TRIM60: variants seen among roughly 807,000 people sequenced by gnomAD.
TRIM60 encodes the protein tripartite motif containing 60.
For missense variants in TRIM60, 524 were observed against 540.8 expected (o/e 0.97, Z 0.31); for synonymous variants, 189 against 195.2 (o/e 0.97, Z 0.27).
intron 1 of TRIM60, among the ~76,000 whole-genome samples, chr4:165,032,822 A>T (rs1733535748): frequency 6.6e-6 from 1 of 152,112 alleles, no homozygotes; most frequent in African/African-American, 2.4e-5. Context: ...TAGAGGTTGA[A>T]TCTTGAGATC....
At chr4:165,039,940 G>A (rs1421460091) in intron 2 of TRIM60, 129 bp from the exon 3 acceptor site, 4 of 660,028 alleles carry the variant, frequency 6.1e-6, no homozygotes, top group Non-Finnish European at 1.0e-5. Context: ...CAGCATGCTA[G>A]GCTAGTGAAA....
chr4:165,036,187 C>T (rs1733618516), intron 1 of TRIM60, among the ~76,000 whole-genome samples: 1 of 152,208 alleles, frequency 6.6e-6, no homozygotes, highest in Non-Finnish European at 1.5e-5. Flanking sequence ...CCGCACAATA[C>T]CACTTGGTGA....
Position 165,039,971 on chromosome 4 carries a change from A to G in TRIM60, c.-4-98A>G, listed in dbSNP as rs565601000. The G allele has an allele frequency of 7.0e-5, 64 of 908,028 alleles. 1 individual carries two copies. The South Asian group carries it at 9.8e-4, about 14-fold the overall frequency. The allele number at this position is 908,028 out of a possible 1,614,324, so 56.2% of individuals were successfully genotyped here. A position where few individuals can be genotyped will look rare whatever the true frequency, so the allele number is the denominator to read the frequency against. ...TGAAACCTAAACCTGATCAATCTAC[A>G]AGGTCTGGGAGGGGTATCCACTTCT... is the stretch of plus-strand genomic sequence containing the variant. On this transcript the variant is annotated intron_variant, in intron 2 of 2. Coordinates refer to ENST00000512596, the MANE Select transcript of TRIM60 (RefSeq NM_152620.3).
chr4:165,039,832 C>A (rs1308400253), intron 2 of TRIM60, among the ~76,000 whole-genome samples: 1 of 150,922 alleles, frequency 6.6e-6, no homozygotes, highest in Non-Finnish European at 1.5e-5. Context: ...AAGATTCAGA[C>A]GGGCTCATGT....
At chr4:165,035,558 T>C (rs1020820302) in intron 1 of TRIM60, among the ~76,000 whole-genome samples, 3 of 152,204 alleles carry the variant, frequency 2.0e-5, no homozygotes, top group East Asian at 1.9e-4. Flanking sequence ...AAGATGCTCA[T>C]TGAAGATTTG....
chr4:165,041,561 C>CT lies in TRIM60; in HGVS notation c.*76dup, dbSNP rs572987977. On this transcript the variant is annotated 3_prime_UTR_variant, in exon 3 of 3. Coordinates refer to ENST00000512596, the MANE Select transcript of TRIM60 (RefSeq NM_152620.3). ...GTAAATTTAATCTCATTTCTGGACT[C>CT]TTTAAGTTTTACCACTGAAAACCAG... The CT allele has an allele frequency of 3.5e-5, 40 of 1,146,614 alleles. No homozygotes were observed. The highest frequency in any genetic ancestry group is 4.6e-5 in the Non-Finnish European group (39 of 843,554). 71.0% of individuals were successfully genotyped at this position (1,146,614 alleles called of 1,614,324 possible).
In TRIM60 at chr4:165,040,746, A is replaced by G. The variant is rs138277170; in HGVS notation, c.674A>G (p.Asp225Gly). Reference sequence around the variant, plus strand: ...AATGAAAACCTTGTAGAACTTTCAGATTATGTTTCCACATTAAAACATCTA... The same window carrying G: ...AATGAAAACCTTGTAGAACTTTCAGGTTATGTTTCCACATTAAAACATCTA... The part of the protein sequence containing the change: ...KLNENLVELS[D>G]YVSTLKHLLR... Residue 225 changes from aspartate (D) to glycine (G), a missense_variant, in exon 3 of 3, where the codon GAT (aspartate) becomes GGT (glycine). Coordinates refer to ENST00000512596, the MANE Select transcript of TRIM60 (RefSeq NM_152620.3). The G allele has an allele frequency of 1.3e-4, 212 of 1,614,014 alleles. 1 individual carries two copies. Among genetic ancestry groups the G allele is most frequent in the Non-Finnish European group, 1.8e-4 (208 of 1,180,016 alleles).
chr4:165,037,258 A>G (rs1733641853), intron 1 of TRIM60, among the ~76,000 whole-genome samples: 1 of 152,208 alleles, frequency 6.6e-6, no homozygotes, highest in Non-Finnish European at 1.5e-5. Flanking sequence ...ATTTAGTATC[A>G]CACCAGTAGT....
chr4:165,041,597 T>A lies in TRIM60; in HGVS notation c.*109T>A, dbSNP rs1291586742. The A allele has an allele frequency of 6.6e-6, 5 of 762,132 alleles. No individual in the cohort carries two copies. In the East Asian group the frequency reaches 1.4e-4, roughly 22 times the overall value. The allele number at this position is 762,132 out of a possible 1,614,324, so 47.2% of individuals were successfully genotyped here. On this transcript the variant is annotated 3_prime_UTR_variant, in exon 3 of 3. Transcript: ENST00000512596. ...ACCACTGAAAACCAGAGTCGATTTTTCTCCTAAATTTTTGGCAACTATAAG... is the reference window on the plus strand; with the variant it reads ...ACCACTGAAAACCAGAGTCGATTTTACTCCTAAATTTTTGGCAACTATAAG...
intron 1 of TRIM60, among the ~76,000 whole-genome samples, chr4:165,035,200 A>C (rs1451543776): frequency 1.3e-5 from 2 of 152,126 alleles, no homozygotes; most frequent in Non-Finnish European, 2.9e-5. Flanking sequence ...CAGTGCTGGC[A>C]CTATAGGGAC....
intron 1 of TRIM60, among the ~76,000 whole-genome samples, chr4:165,034,765 C>G (rs765337317): frequency 6.6e-6 from 1 of 152,088 alleles, no homozygotes; most frequent in Non-Finnish European, 1.5e-5. Flanking sequence ...ACCTTACTGT[C>G]CCTTCAAAAT....
At chr4:165,039,286 T>C (rs1733692624) in intron 2 of TRIM60, 34 bp downstream of exon 2, 1 of 152,168 alleles carries the variant, frequency 6.6e-6, no homozygotes, top group Admixed American at 6.5e-5. Context: ...TAAAATATAA[T>C]CCTAGAGTAA....
chr4:165,034,629 T>C (rs1733580572), intron 1 of TRIM60, among the ~76,000 whole-genome samples: 1 of 152,222 alleles, frequency 6.6e-6, no homozygotes, highest in South Asian at 2.1e-4. Flanking sequence ...GATTAGGAGC[T>C]TTTGCAATGA....
chr4:165,041,518 T>C lies in TRIM60; in HGVS notation c.*30T>C, dbSNP rs762146450. The C allele has an allele frequency of 2.8e-6, 4 of 1,431,428 alleles. No homozygotes were observed. The East Asian group carries it at 6.9e-5, about 25-fold the overall frequency. 88.7% of individuals were successfully genotyped at this position (1,431,428 alleles called of 1,614,324 possible). A position where few individuals can be genotyped will look rare whatever the true frequency, so the allele number is the denominator to read the frequency against. On this transcript the variant is annotated 3_prime_UTR_variant, in exon 3 of 3. Coordinates refer to ENST00000512596, the MANE Select transcript of TRIM60 (RefSeq NM_152620.3). ...CTGGTAAATGGGTCTGTTTCAGTTT[T>C]TGTAGGTAACTTAGCCAGTAAATTT... is the stretch of plus-strand genomic sequence containing the variant.
chr4:165,038,712 C>T (rs1361828022), intron 1 of TRIM60, among the ~76,000 whole-genome samples: 2 of 149,086 alleles, frequency 1.3e-5, no homozygotes, highest in South Asian at 2.1e-4. Flanking sequence ...GAACCATTTT[C>T]GTGTTGAATC....
At position 165,036,046 on chromosome 4, in the gene TRIM60, A is replaced by T. The variant is rs117623592; in HGVS notation, c.-56-3155A>T. On this transcript the variant is annotated intron_variant, in intron 1 of 2. Transcript: ENST00000512596. ...CAATAGTGAGCCCTTCTTATAAGGG[A>T]ATGGCAGGATCCATTTCCTCATAAG... Among the ~76,000 whole-genome samples the T allele has an allele frequency of 2.4e-4, 36 of 152,238 alleles. No individual in the cohort carries two copies. In the East Asian group the frequency reaches 6.4e-3, roughly 27 times the overall value.
rs142120519 is a variant in TRIM60, at chr4:165,041,121, A to G, written c.1049A>G (p.His350Arg). Residue 350 changes from histidine (H) to arginine (R), a missense_variant, in exon 3 of 3, where the codon CAT becomes CGT. Coordinates refer to ENST00000512596, the MANE Select transcript of TRIM60 (RefSeq NM_152620.3). The stretch of plus-strand genomic sequence containing the variant: ...TCTCAGAGATTTAGTTCTGGCCGAC[A>G]TTACTGGGAAGTAGAAGTGGGAAAC... ...LGSQRFSSGR[H>R]YWEVEVGNKP... is the part of the protein sequence containing the mutation. 291 of 1,614,216 alleles carry G rather than the reference A, an allele frequency of 1.8e-4. 1 individual carries two copies. In the African/African-American group the frequency reaches 3.2e-3, roughly 18 times the overall value.
Sources: gnomAD v4.1 joint callset for allele counts (sites outside exome capture counted in the v4.1 genomes callset) on GRCh38, gnomAD v4.1.1 for gene constraint, MANE v1.5 for transcripts, NCBI Gene and HGNC (gene_info 2026-07-23, HGNC 2026-07-21) for gene names.